Variants in ABCA10 observed in about 807,000 individuals in gnomAD.
The protein encoded by ABCA10 is ATP-binding cassette sub-family A member 10.
Under a neutral mutation model 187.5 loss-of-function variants are expected in ABCA10, and 169 were observed. That is an observed-to-expected ratio of 0.90 (90% CI 0.80 to 1.02). The LOEUF (loss-of-function observed/expected upper bound fraction) is 1.02, where lower values mean the gene tolerates loss of function less well. ABCA10 is among the 50% of genes least tolerant of loss of function. The pLI is 0.00. For synonymous variants in ABCA10, 574 were observed against 601.8 expected (o/e 0.95, Z 0.68); for missense variants, 1,727 against 1,812.4 (o/e 0.95, Z 0.86).
At chr17:69,159,194 G>A (rs2074196753) in intron 27 of ABCA10, among the ~76,000 whole-genome samples, 1 of 151,910 alleles carries the variant, frequency 6.6e-6, no homozygotes, top group Non-Finnish European at 1.5e-5. Flanking sequence ...ACTAAATAAA[G>A]TCATATTTCA....
At chr17:69,177,083 C>G (rs1025973881) in intron 22 of ABCA10, among the ~76,000 whole-genome samples, 24 of 152,302 alleles carry the variant, frequency 1.6e-4, no homozygotes, top group Middle Eastern at 3.4e-3. Context: ...ATCTACTTCT[C>G]TGGGTTCCTT....
chr17:69,211,321 A>ATG (rs2074650582), intron 9 of ABCA10, among the ~76,000 whole-genome samples: 11 of 6,432 alleles, frequency 1.7e-3, no homozygotes, highest in African/African-American at 8.4e-3. Flanking sequence ...TATGATATAT[A>ATG]TATATATATA....
At position 69,157,135 on chromosome 17, in the gene ABCA10, A is replaced by G. The variant is rs1387356910; in HGVS notation, c.3364-212T>C. Among the ~76,000 whole-genome samples the G allele has an allele frequency of 2.0e-5, 3 of 152,208 alleles. No individual in the cohort carries two copies. The East Asian group carries it at 5.8e-4, about 29-fold the overall frequency. ...CCCTCCCACTGAGAAAGAATTAAAA[A>G]GCCCACATTAATTTTTTTAAAAACT... On this transcript the variant is annotated intron_variant, in intron 27 of 38. Coordinates refer to ENST00000690296, the MANE Select transcript of ABCA10 (RefSeq NM_001377321.1).
intron 27 of ABCA10, among the ~76,000 whole-genome samples, chr17:69,163,535 T>A (rs1449467742): frequency 6.6e-6 from 1 of 152,192 alleles, no homozygotes; most frequent in Non-Finnish European, 1.5e-5. Flanking sequence ...GTATAAAAGT[T>A]TATAAATCAA....
intron 10 of ABCA10, among the ~76,000 whole-genome samples, chr17:69,200,936 C>T (rs1005695149): frequency 1.3e-5 from 2 of 152,216 alleles, no homozygotes; most frequent in African/African-American, 4.8e-5. Flanking sequence ...TGGTCTCAAA[C>T]TCCTGAGCTC....
intron 1 of ABCA10, chr17:69,235,084 T>A (rs568371880): frequency 3.9e-5 from 6 of 152,358 alleles, no homozygotes; most frequent in African/African-American, 1.4e-4. Context: ...GATTTGAGAC[T>A]ATGGTTACAT....
At chr17:69,154,187 A>G in intron 31 of ABCA10, 48 bp downstream of exon 31, 2 of 1,504,348 alleles carry the variant, frequency 1.3e-6, no homozygotes, top group Non-Finnish European at 9.1e-7. Context: ...GAATAATAGA[A>G]AGATGTCATC....
chr17:69,185,448 T>C (rs1403890664), intron 20 of ABCA10, 29 bp downstream of exon 20: 1 of 1,581,916 alleles, frequency 6.3e-7, no homozygotes, highest in Non-Finnish European at 8.6e-7. Flanking sequence ...TAATAAAAAC[T>C]CACACTAAAT....
chr17:69,152,166 T>G lies in ABCA10; in HGVS notation c.4274A>C (p.Gln1425Pro), dbSNP rs2074134268. Reference sequence around the variant, plus strand: ...TCTACCAAACTTGTTTTTCAGATGTTGAATGGAACCAATACACCTAGTTCA... The same window carrying G: ...TCTACCAAACTTGTTTTTCAGATGTGGAATGGAACCAATACACCTAGTTCA... Reference protein sequence around the residue: ...SGTLRCIGSIQHLKNKFGRDY... With the variant: ...SGTLRCIGSIPHLKNKFGRDY... The change falls in exon 36 of 39, where the codon CAA (glutamine) becomes CCA (proline). Residue 1425 changes from glutamine to proline, a missense_variant. Transcript: ENST00000690296. 2 of 1,611,940 alleles carry G rather than the reference T, an allele frequency of 1.2e-6. No homozygotes were observed. The highest frequency in any genetic ancestry group is 1.7e-5 in the Admixed American group (1 of 59,514).
chr17:69,165,095 T>C lies in ABCA10; in HGVS notation c.3163-12A>G, dbSNP rs2074246002. On this transcript the variant is annotated splice_polypyrimidine_tract_variant and intron_variant, in intron 25 of 38. Coordinates refer to ENST00000690296, the MANE Select transcript of ABCA10 (RefSeq NM_001377321.1). ...ACACATATTAAGATCTAGAAAAAAA[T>C]CCAGAAGTATTATAATTTTCTCAGT... The C allele has an allele frequency of 2.6e-6, 4 of 1,516,780 alleles. No homozygotes were observed. The highest frequency in any genetic ancestry group is 3.7e-6 in the Non-Finnish European group (4 of 1,095,798). 94.0% of individuals were successfully genotyped at this position (1,516,780 alleles called of 1,614,324 possible).
At chr17:69,221,083 G>A (rs2074743939) in intron 5 of ABCA10, among the ~76,000 whole-genome samples, 3 of 152,266 alleles carry the variant, frequency 2.0e-5, no homozygotes, top group African/African-American at 7.2e-5. Flanking sequence ...AGAACTTTGT[G>A]GAACTACAGA....
chr17:69,195,554 C>CTTTTTTTTTTTTTTTTTTTT lies in ABCA10; in HGVS notation c.1235-1060_1235-1059insAAAAAAAAAAAAAAAAAAAA, dbSNP rs59069489. 1.0e-3 allele frequency among the ~76,000 whole-genome samples: 108 copies of CTTTTTTTTTTTTTTTTTTTT among 102,926 alleles called. 1 individual carries two copies. The highest frequency in any genetic ancestry group is 1.3e-3 in the Non-Finnish European group (73 of 55,644). The allele number at this position is 102,926 out of a possible 152,430, so 67.5% of individuals were successfully genotyped here. ...AGCATTATCAAACAATGAAGTTTTTCTTTTTTTTTTTTTTTTTTAGTATTT... is the reference window on the plus strand; with the variant it reads ...AGCATTATCAAACAATGAAGTTTTTCTTTTTTTTTTTTTTTTTTTTTTTTTTTTTTTTTTTTTTAGTATTT... On this transcript the variant is annotated intron_variant, in intron 11 of 38. Coordinates refer to ENST00000690296, the MANE Select transcript of ABCA10 (RefSeq NM_001377321.1).
At chr17:69,152,233 C>T (rs370844691) in intron 35 of ABCA10, 50 bp from the exon 36 acceptor site, 35 of 1,583,940 alleles carry the variant, frequency 2.2e-5, no homozygotes, top group South Asian at 1.7e-4. Context: ...ATTTCTTCCT[C>T]GGTTCTCACT....
intron 18 of ABCA10, among the ~76,000 whole-genome samples, chr17:69,189,844 T>G (rs9903769): frequency 0.031 from 4,731 of 152,272 alleles, 228 homozygotes; most frequent in African/African-American, 0.11. Context: ...GTTTGTGGCT[T>G]TATTGCTGGG....
At position 69,182,185 on chromosome 17, in the gene ABCA10, G is replaced by C; in HGVS notation, c.2737C>G (p.Leu913Val). ...ALMGIFNFTE[L>V]IQMESTSFSR... ...AATGAAGTGCTCTCCATTTGAATAAGCTCCGTGAAGTTAAAAATTCCCATA... is the reference window on the plus strand; with the variant it reads ...AATGAAGTGCTCTCCATTTGAATAACCTCCGTGAAGTTAAAAATTCCCATA... Residue 913 changes from leucine to valine, a missense_variant, in exon 22 of 39, where the codon CTT becomes GTT. Transcript: ENST00000690296. 2 of 1,590,712 alleles carry C rather than the reference G, an allele frequency of 1.3e-6. No individual in the cohort carries two copies. Among genetic ancestry groups the C allele is most frequent in the Non-Finnish European group, 1.7e-6 (2 of 1,168,658 alleles).
chr17:69,195,515 G>A (rs934069018), intron 11 of ABCA10, among the ~76,000 whole-genome samples: 2 of 115,596 alleles, frequency 1.7e-5, no homozygotes, highest in African/African-American at 6.8e-5. Context: ...AAATGTTTTT[G>A]TGTTTTAATT....
chr17:69,205,487 C>G (rs1377582506), intron 9 of ABCA10, among the ~76,000 whole-genome samples: 1 of 152,180 alleles, frequency 6.6e-6, no homozygotes, highest in Non-Finnish European at 1.5e-5. Flanking sequence ...GATCTACATT[C>G]TAGGGAAACA....
rs185799857 is a variant in ABCA10, at chr17:69,203,648, C to T, written c.1007-1980G>A. Among the ~76,000 whole-genome samples, 415 of 152,238 alleles carry T rather than the reference C, an allele frequency of 2.7e-3. 3 individuals are homozygous for T. The highest frequency in any genetic ancestry group is 8.7e-3 in the African/African-American group (361 of 41,544). On this transcript the variant is annotated intron_variant, in intron 9 of 38. Transcript: ENST00000690296. ...TTGAGCCCATTCTTCATGCAGCTGC[C>T]AGAGAGAGCTTCCTAAAAGGCAAAT...
intron 20 of ABCA10, among the ~76,000 whole-genome samples, chr17:69,183,327 T>G (rs111834771): frequency 6.6e-6 from 1 of 152,138 alleles, no homozygotes; most frequent in African/African-American, 2.4e-5. Context: ...GTGCCCATTA[T>G]TTTTCTTGAC....
Sources: gnomAD v4.1 joint callset for allele counts (sites outside exome capture counted in the v4.1 genomes callset) on GRCh38, gnomAD v4.1.1 for gene constraint, MANE v1.5 for transcripts, NCBI Gene and HGNC (gene_info 2026-07-23, HGNC 2026-07-21) for gene names.